UGT2B17: variants seen among roughly 807,000 people sequenced by gnomAD.
The protein encoded by UGT2B17 is UDP-glucuronosyltransferase 2B17.
UGT2B17 carries 21 observed loss-of-function variants against 48.2 expected under a neutral mutation model. The observed-to-expected ratio is 0.44, with a 90% CI of 0.31 to 0.63. The LOEUF is 0.63. Ranked by LOEUF, UGT2B17 falls within the 20% of genes least tolerant of loss-of-function variation. The pLI, the probability that UGT2B17 is intolerant of heterozygous loss-of-function variation, is 0.08. For synonymous variants in UGT2B17, 146 were observed against 238.4 expected (o/e 0.61, Z 3.57); for missense variants, 402 against 696.1 (o/e 0.58, Z 4.75).
chr4:68,559,287 T>C (rs1731060061), intron 4 of UGT2B17, among the ~76,000 whole-genome samples: 1 of 126,170 alleles, frequency 7.9e-6, no homozygotes, highest in Non-Finnish European at 1.7e-5. Flanking sequence ...ATTCAGACTA[T>C]TATCAGTATT....
chr4:68,575,337 C>A (rs1412548246), intron 1 of UGT2B17, among the ~76,000 whole-genome samples: 1 of 122,832 alleles, frequency 8.1e-6, no homozygotes, highest in Non-Finnish European at 1.7e-5. Context: ...GGTGCCTTGG[C>A]TTACAGGTTA....
In UGT2B17 at chr4:68,573,310, C is replaced by CA. The variant is rs1383807597; in HGVS notation, c.-65+2640dup. On this transcript the variant is annotated intron_variant, in intron 1 of 6. Transcript: ENST00000317746. Reference sequence around the variant, plus strand: ...AACTGCCATTTTTTTCTCTTTCTGACACATAGAGTGTGAAGAGTTTTGTCA... The same window carrying CA: ...AACTGCCATTTTTTTCTCTTTCTGACAACATAGAGTGTGAAGAGTTTTGTCA... Among the ~76,000 whole-genome samples, 49 of 125,466 alleles carry CA rather than the reference C, an allele frequency of 3.9e-4. 6 individuals are homozygous for CA. Among genetic ancestry groups the CA allele is most frequent in the African/African-American group, 1.2e-3 (44 of 36,594 alleles). 82.3% of individuals were successfully genotyped at this position (125,466 alleles called of 152,430 possible). A position where few individuals can be genotyped will look rare whatever the true frequency, so the allele number is the denominator to read the frequency against.
intron 3 of UGT2B17, among the ~76,000 whole-genome samples, chr4:68,563,882 T>C (rs967068434): frequency 7.9e-6 from 1 of 125,998 alleles, no homozygotes; most frequent in African/African-American, 2.7e-5. Flanking sequence ...AAATCAATCA[T>C]TATTAAATGA....
Position 68,542,496 on chromosome 4 carries a change from T to C in UGT2B17, c.1314-4592A>G, listed in dbSNP as rs1730683767. On this transcript the variant is annotated intron_variant, in intron 6 of 6. Coordinates refer to ENST00000317746, the MANE Select transcript of UGT2B17 (RefSeq NM_001077.4). ...TGGCCGAATAAGAACAGCTCCAGTC[T>C]ACAGCTCCCAGTGTGAATGACACAG... 1.6e-5 allele frequency among the ~76,000 whole-genome samples: 2 copies of C among 127,088 alleles called. 1 individual carries two copies. Among genetic ancestry groups the C allele is most frequent in the South Asian group, 7.4e-4 (2 of 2,718 alleles). The allele number at this position is 127,088 out of a possible 152,430, so 83.4% of individuals were successfully genotyped here.
rs1459000818 is a variant in UGT2B17, at chr4:68,558,862, T to C, written c.1005+1675A>G. Reference sequence around the variant, plus strand: ...CTCTGCTCACTGAGATAAATGCATATCTGATTGCCTCCTTTGGAGAGCCTA... The same window carrying C: ...CTCTGCTCACTGAGATAAATGCATACCTGATTGCCTCCTTTGGAGAGCCTA... On this transcript the variant is annotated intron_variant, in intron 4 of 6. Coordinates refer to ENST00000317746, the MANE Select transcript of UGT2B17 (RefSeq NM_001077.4). Among the ~76,000 whole-genome samples, 2 of 125,862 alleles carry C rather than the reference T, an allele frequency of 1.6e-5. 1 individual carries two copies. Among genetic ancestry groups the C allele is most frequent in the African/African-American group, 5.4e-5 (2 of 36,916 alleles). 82.6% of individuals were successfully genotyped at this position (125,862 alleles called of 152,430 possible).
rs1228175528 is a variant in UGT2B17 at position 68,538,130 on chromosome 4, C to T, written c.1314-226G>A. On this transcript the variant is annotated intron_variant, in intron 6 of 6. Transcript: ENST00000317746. ...CTTTAAAAATGAAAAATGGAATTTT[C>T]GGTGGGAAAGTTAATGTTTTTCTAG... Among the ~76,000 whole-genome samples the T allele has an allele frequency of 4.0e-5, 5 of 125,324 alleles. 1 individual carries two copies. In the Admixed American group the frequency reaches 4.1e-4, roughly 10 times the overall value. 82.2% of individuals were successfully genotyped at this position (125,324 alleles called of 152,430 possible). A position where few individuals can be genotyped will look rare whatever the true frequency, so the allele number is the denominator to read the frequency against.
rs1410304108 is a variant in UGT2B17, at chr4:68,549,078, C to T, written c.1313+1599G>A. Among the ~76,000 whole-genome samples, 2 of 124,544 alleles carry T rather than the reference C, an allele frequency of 1.6e-5. 1 individual carries two copies. The highest frequency in any genetic ancestry group is 3.4e-5 in the Non-Finnish European group (2 of 59,110). The allele number at this position is 124,544 out of a possible 152,430, so 81.7% of individuals were successfully genotyped here. ...ATATTTTTGTTTTCTAACCTGTTTT[C>T]TGTTTCTTTGCTTTTTTACTTTATT... is the stretch of plus-strand genomic sequence containing the variant. On this transcript the variant is annotated intron_variant, in intron 6 of 6. Coordinates refer to ENST00000317746, the MANE Select transcript of UGT2B17 (RefSeq NM_001077.4).
intron 2 of UGT2B17, 112 bp from the exon 3 acceptor site, chr4:68,565,832 T>C: frequency 1.1e-6 from 1 of 901,076 alleles, no homozygotes. Flanking sequence ...TACCTAAAAA[T>C]ATATAAAATG....
At chr4:68,542,566 C>T (rs1472771833) in intron 6 of UGT2B17, among the ~76,000 whole-genome samples, 2 of 126,312 alleles carry the variant, frequency 1.6e-5, no homozygotes, top group Non-Finnish European at 3.4e-5. Flanking sequence ...CTGGGTTCAT[C>T]TCCCAGGGGA....
Position 68,553,180 on chromosome 4 carries a change from C to T in UGT2B17, c.1006-1269G>A, listed in dbSNP as rs1209296936. 1.6e-5 allele frequency among the ~76,000 whole-genome samples: 2 copies of T among 125,400 alleles called. 1 individual carries two copies. The highest frequency in any genetic ancestry group is 3.4e-5 in the Non-Finnish European group (2 of 59,334). 82.3% of individuals were successfully genotyped at this position (125,400 alleles called of 152,430 possible). A position where few individuals can be genotyped will look rare whatever the true frequency, so the allele number is the denominator to read the frequency against. ...TCCCATCAGATTTGACAAACTTTACCTGACTTGATCATATCTGAGTGAGAA... is the reference window on the plus strand; with the variant it reads ...TCCCATCAGATTTGACAAACTTTACTTGACTTGATCATATCTGAGTGAGAA... On this transcript the variant is annotated intron_variant, in intron 4 of 6. Coordinates refer to ENST00000317746, the MANE Select transcript of UGT2B17 (RefSeq NM_001077.4).
chr4:68,541,250 T>G (rs1354533099), intron 6 of UGT2B17, among the ~76,000 whole-genome samples: 1 of 126,168 alleles, frequency 7.9e-6, no homozygotes, highest in Non-Finnish European at 1.7e-5. Context: ...TTGAACTAAC[T>G]TACATTCCCA....
In UGT2B17 at chr4:68,549,627, T is replaced by C. The variant is rs1194180794; in HGVS notation, c.1313+1050A>G. ...ACCACTTTACACACACTAGAAAGGC[T>C]GTAATAGAAAGACAGGTGATAACAA... On this transcript the variant is annotated intron_variant, in intron 6 of 6. Coordinates refer to ENST00000317746, the MANE Select transcript of UGT2B17 (RefSeq NM_001077.4). 2.4e-5 allele frequency among the ~76,000 whole-genome samples: 3 copies of C among 125,342 alleles called. 1 individual carries two copies. The highest frequency in any genetic ancestry group is 8.2e-5 in the African/African-American group (3 of 36,794). 82.2% of individuals were successfully genotyped at this position (125,342 alleles called of 152,430 possible). A position where few individuals can be genotyped will look rare whatever the true frequency, so the allele number is the denominator to read the frequency against.
Position 68,540,864 on chromosome 4 carries a change from C to T in UGT2B17, c.1314-2960G>A, listed in dbSNP as rs754249846. Among the ~76,000 whole-genome samples, 11 of 124,894 alleles carry T rather than the reference C, an allele frequency of 8.8e-5. 3 individuals are homozygous for T. Among genetic ancestry groups the T allele is most frequent in the Non-Finnish European group, 1.4e-4 (8 of 59,162 alleles). 81.9% of individuals were successfully genotyped at this position (124,894 alleles called of 152,430 possible). Reference sequence around the variant, plus strand: ...CCTGAGTCCATGTATTCTCATTTTTCGACTCCCTCTTATGAGTGAGAACAT... The same window carrying T: ...CCTGAGTCCATGTATTCTCATTTTTTGACTCCCTCTTATGAGTGAGAACAT... On this transcript the variant is annotated intron_variant, in intron 6 of 6. Coordinates refer to ENST00000317746, the MANE Select transcript of UGT2B17 (RefSeq NM_001077.4).
In UGT2B17 at chr4:68,568,058, CTT is replaced by C. The variant is rs1298240132; in HGVS notation, c.425_426del (p.Gln142ArgfsTer5). The C allele has an allele frequency of 6.5e-6, 9 of 1,382,976 alleles. 4 individuals carry two copies. Among genetic ancestry groups the C allele is most frequent in the Non-Finnish European group, 8.5e-6 (9 of 1,055,478 alleles). The allele number at this position is 1,382,976 out of a possible 1,614,324, so 85.7% of individuals were successfully genotyped here. A position where few individuals can be genotyped will look rare whatever the true frequency, so the allele number is the denominator to read the frequency against. Reference protein sequence around the residue: ...VLNKKLMRKLQESKFDVLLAD... With the variant: ...VLNKKLMRKLXESKFDVLLAD... ...GCCAGAAGGACATCAAATTTTGACT[CTT>C]GTAGTTTTCTCATAAGTTTCTTGTT... On this transcript the variant is annotated frameshift_variant, in exon 2 of 7. Coordinates refer to ENST00000317746, the MANE Select transcript of UGT2B17 (RefSeq NM_001077.4). LOFTEE classifies it high-confidence loss of function.
chr4:68,555,923 GTTT>G lies in UGT2B17; in HGVS notation c.1006-4015_1006-4013del, dbSNP rs34104261. 5.8e-3 allele frequency among the ~76,000 whole-genome samples: 476 copies of G among 82,626 alleles called. 69 individuals carry two copies. The highest frequency in any genetic ancestry group is 0.015 in the African/African-American group (394 of 26,498). The allele number at this position is 82,626 out of a possible 152,430, so 54.2% of individuals were successfully genotyped here. ...GTAAAGAAAGTTATAAAAATAAAAA[GTTT>G]TTTTTTTTTTTTTTTGTAAAAAGCT... On this transcript the variant is annotated intron_variant, in intron 4 of 6. Transcript: ENST00000317746.
chr4:68,560,411 G>C, intron 4 of UGT2B17, 126 bp downstream of exon 4: 1 of 1,286,506 alleles, frequency 7.8e-7, no homozygotes. Context: ...GCTTTGAACA[G>C]ATGTCTGAGA....
chr4:68,557,514 CTTTGT>C lies in UGT2B17; in HGVS notation c.1005+3018_1005+3022del, dbSNP rs1207821333. Among the ~76,000 whole-genome samples the C allele has an allele frequency of 4.1e-5, 5 of 121,578 alleles. 1 individual carries two copies. The highest frequency in any genetic ancestry group is 6.9e-5 in the Non-Finnish European group (4 of 57,876). 79.8% of individuals were successfully genotyped at this position (121,578 alleles called of 152,430 possible). Reference sequence around the variant, plus strand: ...GACTTTGCTTAAAACATTGCTGATCCTTTGTTTTGTTTTGTTTTTTTTTTTAGAGT... The same window carrying C: ...GACTTTGCTTAAAACATTGCTGATCCTTTGTTTTGTTTTTTTTTTTAGAGT... On this transcript the variant is annotated intron_variant, in intron 4 of 6. Coordinates refer to ENST00000317746, the MANE Select transcript of UGT2B17 (RefSeq NM_001077.4).
chr4:68,537,822 C>T lies in UGT2B17; in HGVS notation c.1396G>A (p.Glu466Lys). 1 of 1,379,464 alleles carries T rather than the reference C, an allele frequency of 7.2e-7. No individual in the cohort carries two copies. Among genetic ancestry groups the T allele is most frequent in the Non-Finnish European group, 9.5e-7 (1 of 1,054,944 alleles). The allele number at this position is 1,379,464 out of a possible 1,614,324, so 85.5% of individuals were successfully genotyped here. A position where few individuals can be genotyped will look rare whatever the true frequency, so the allele number is the denominator to read the frequency against. ...GCTCCTTTATGGCGCATGACAAACT[C>T]AATCCAGAAGACTGCTCGATCCAGG... ...KPLDRAVFWI[E>K]FVMRHKGAKH... is the part of the protein sequence containing the mutation. Residue 466 changes from glutamate to lysine, a missense_variant, in exon 7 of 7, where the codon GAG becomes AAG. This residue lies in a region of UGT2B17 where 156 missense variants were observed against 258.6 expected (regional missense o/e 0.60). Coordinates refer to ENST00000317746, the MANE Select transcript of UGT2B17 (RefSeq NM_001077.4).
rs1172712846 is a variant in UGT2B17 at position 68,548,242 on chromosome 4, G to A, written c.1313+2435C>T. Among the ~76,000 whole-genome samples the A allele has an allele frequency of 3.2e-5, 4 of 126,212 alleles. 2 individuals carry two copies. The highest frequency in any genetic ancestry group is 6.7e-5 in the Non-Finnish European group (4 of 59,514). 82.8% of individuals were successfully genotyped at this position (126,212 alleles called of 152,430 possible). On this transcript the variant is annotated intron_variant, in intron 6 of 6. Coordinates refer to ENST00000317746, the MANE Select transcript of UGT2B17 (RefSeq NM_001077.4). ...CACATACACTATAGAATACTATGCAGCCATAAAAAATGATGAGTTCATGTC... is the reference window on the plus strand; with the variant it reads ...CACATACACTATAGAATACTATGCAACCATAAAAAATGATGAGTTCATGTC...
Sources: allele counts gnomAD v4.1 joint callset (sites outside exome capture counted in the v4.1 genomes callset), GRCh38; gene constraint gnomAD v4.1.1; regional missense constraint gnomAD v4.1.1; transcripts MANE v1.5; gene names NCBI Gene and HGNC (gene_info 2026-07-23, HGNC 2026-07-21).